HSPBAP1: variants seen among roughly 807,000 people sequenced by gnomAD.
HSPBAP1 encodes the protein HSPB1-associated protein 1.
A neutral mutation model predicts 45.2 loss-of-function variants in HSPBAP1; 27 were observed. The observed-to-expected ratio is 0.60, with a 90% CI of 0.44 to 0.82. The LOEUF (loss-of-function observed/expected upper bound fraction) is 0.82. Ranked by LOEUF, HSPBAP1 falls within the 40% of genes least tolerant of loss-of-function variation. The pLI, the probability that HSPBAP1 is intolerant of heterozygous loss-of-function variation, is 0.00. For synonymous variants in HSPBAP1, 204 were observed against 202.7 expected (o/e 1.01, Z -0.06); for missense variants, 510 against 590.9 (o/e 0.86, Z 1.42).
intron 4 of HSPBAP1, among the ~76,000 whole-genome samples, chr3:122,757,968 T>C (rs1313941624): frequency 6.6e-6 from 1 of 152,242 alleles, no homozygotes; most frequent in Non-Finnish European, 1.5e-5. Flanking sequence ...CGTGTAGCTA[T>C]GTACCTGACA....
intron 5 of HSPBAP1, chr3:122,754,937 C>T (rs1352942229): frequency 6.8e-6 from 7 of 1,034,212 alleles, no homozygotes; most frequent in African/African-American, 3.4e-5. Context: ...CAGAGATGCT[C>T]GAGTACCCAT....
At chr3:122,756,413 T>C (rs1934357666) in intron 4 of HSPBAP1, among the ~76,000 whole-genome samples, 1 of 152,178 alleles carries the variant, frequency 6.6e-6, no homozygotes, top group African/African-American at 2.4e-5. Flanking sequence ...AAGCCATGTA[T>C]GGTGGCTCAC....
rs1309508144 is a variant in HSPBAP1, at chr3:122,780,915, C to T, written c.65-3009G>A. 1.7e-4 allele frequency among the ~76,000 whole-genome samples: 10 copies of T among 59,610 alleles called. 3 individuals carry two copies. Among genetic ancestry groups the T allele is most frequent in the South Asian group, 6.8e-4 (1 of 1,460 alleles). 39.1% of individuals were successfully genotyped at this position (59,610 alleles called of 152,430 possible). ...GCAGAGGCACTCCTCACATCCCAGA[C>T]GGGGCGGCGGGGCAGAGGCGGTCCC... is the stretch of plus-strand genomic sequence containing the variant. On this transcript the variant is annotated intron_variant, in intron 1 of 7. Coordinates refer to ENST00000306103, the MANE Select transcript of HSPBAP1 (RefSeq NM_024610.6).
intron 1 of HSPBAP1, among the ~76,000 whole-genome samples, chr3:122,788,166 T>C (rs1332068939): frequency 6.6e-6 from 1 of 152,204 alleles, no homozygotes; most frequent in Non-Finnish European, 1.5e-5. Flanking sequence ...TTAGCTTCTT[T>C]CCATCCTCCT....
chr3:122,740,336 C>A lies in HSPBAP1; in HGVS notation c.*9G>T. 1 of 1,534,532 alleles carries A rather than the reference C, an allele frequency of 6.5e-7. No individual in the cohort carries two copies. Among genetic ancestry groups the A allele is most frequent in the South Asian group, 1.3e-5 (1 of 79,620 alleles). ...AAAATATTATTTTAAAAGTCATCTT[C>A]CACTTGAATCATAAACTTCTTCCTT... On this transcript the variant is annotated 3_prime_UTR_variant, in exon 8 of 8. Coordinates refer to ENST00000306103, the MANE Select transcript of HSPBAP1 (RefSeq NM_024610.6).
rs534486598 is a variant in HSPBAP1 at position 122,784,681 on chromosome 3, G to C, written c.65-6775C>G. Among the ~76,000 whole-genome samples the C allele has an allele frequency of 2.0e-5, 3 of 152,296 alleles. No homozygotes were observed. In the South Asian group the frequency reaches 6.2e-4, roughly 32 times the overall value. ...TATGGTGAAGATGAAGAAATACTAA[G>C]AGAATAATATCAAAGGCTATTACAA... On this transcript the variant is annotated intron_variant, in intron 1 of 7. Coordinates refer to ENST00000306103, the MANE Select transcript of HSPBAP1 (RefSeq NM_024610.6).
intron 6 of HSPBAP1, among the ~76,000 whole-genome samples, chr3:122,745,867 G>A (rs1933829321): frequency 6.6e-6 from 1 of 152,172 alleles, no homozygotes; most frequent in African/African-American, 2.4e-5. Flanking sequence ...AAACTGTCAA[G>A]AGAAAAAATT....
At chr3:122,756,917 G>A (rs1253831353) in intron 4 of HSPBAP1, among the ~76,000 whole-genome samples, 1 of 152,136 alleles carries the variant, frequency 6.6e-6, no homozygotes, top group Non-Finnish European at 1.5e-5. Context: ...GAAGGGCTCT[G>A]AAGAGATCAT....
intron 1 of HSPBAP1, among the ~76,000 whole-genome samples, chr3:122,785,231 T>C (rs1935614702): frequency 6.6e-6 from 1 of 152,244 alleles, no homozygotes; most frequent in South Asian, 2.1e-4. Flanking sequence ...CATGAGTGTA[T>C]GTGCACGTGC....
chr3:122,779,736 C>A (rs1028097747), intron 1 of HSPBAP1, among the ~76,000 whole-genome samples: 2 of 151,072 alleles, frequency 1.3e-5, no homozygotes, highest in African/African-American at 2.4e-5. Context: ...CTTCAAGCAT[C>A]TGTTTAACAA....
rs138830795 is a variant in HSPBAP1 at position 122,772,920 on chromosome 3, G to A, written c.251-4038C>T. Among the ~76,000 whole-genome samples the A allele has an allele frequency of 5.0e-3, 759 of 151,812 alleles. 9 individuals are homozygous for A. Among genetic ancestry groups the A allele is most frequent in the African/African-American group, 0.016 (682 of 41,370 alleles). ...ATTGCCCAGGCTGGAGGGCAGTGGC[G>A]TGGTCAGAACTTTGAACTGCTGGGC... is the stretch of plus-strand genomic sequence containing the variant. On this transcript the variant is annotated intron_variant, in intron 2 of 7. Transcript: ENST00000306103.
intron 3 of HSPBAP1, 106 bp downstream of exon 3, chr3:122,768,595 T>C: frequency 1.4e-6 from 1 of 714,108 alleles, no homozygotes; most frequent in Non-Finnish European, 2.4e-6. Context: ...TTCATGGCGA[T>C]TACTTATGAG....
At position 122,793,764 on chromosome 3, in the gene HSPBAP1, C is replaced by G. The variant is rs1440080662; in HGVS notation, c.-84G>C. 1.6e-5 allele frequency: 20 copies of G among 1,284,828 alleles called. No individual in the cohort carries two copies. Among genetic ancestry groups the G allele is most frequent in the African/African-American group, 2.9e-5 (2 of 68,450 alleles). The allele number at this position is 1,284,828 out of a possible 1,614,324, so 79.6% of individuals were successfully genotyped here. ...AGAGTAGGGGCCAAACTCCGAGACCCGAAGCTGCACCACAGGAAGGAGCCC... is the reference window on the plus strand; with the variant it reads ...AGAGTAGGGGCCAAACTCCGAGACCGGAAGCTGCACCACAGGAAGGAGCCC... On this transcript the variant is annotated 5_prime_UTR_variant, in exon 1 of 8. Coordinates refer to ENST00000306103, the MANE Select transcript of HSPBAP1 (RefSeq NM_024610.6).
chr3:122,755,116 G>A, intron 5 of HSPBAP1, 144 bp downstream of exon 5: 1 of 1,215,488 alleles, frequency 8.2e-7, no homozygotes, highest in Non-Finnish European at 1.0e-6. Context: ...AACTGGGGAA[G>A]CTACCTTCCA....
At chr3:122,741,427 A>T (rs939044663) in intron 6 of HSPBAP1, 27 of 275,886 alleles carry the variant, frequency 9.8e-5, no homozygotes, top group East Asian at 1.6e-4. Context: ...TTTTTTTTTT[A>T]AAGTACCACA....
chr3:122,742,060 A>G (rs1332321147), intron 6 of HSPBAP1, among the ~76,000 whole-genome samples: 1 of 151,932 alleles, frequency 6.6e-6, no homozygotes, highest in Non-Finnish European at 1.5e-5. Flanking sequence ...TGTGCCAGGA[A>G]ACATGTACAA....
intron 6 of HSPBAP1, among the ~76,000 whole-genome samples, chr3:122,744,999 G>GA (rs66500193): frequency 0.088 from 13,263 of 151,510 alleles, 680 homozygotes; most frequent in East Asian, 0.13. Flanking sequence ...TCCTGATTTT[G>GA]AAAAAAACAA....
At chr3:122,780,646 C>CG (rs1425777583) in intron 1 of HSPBAP1, among the ~76,000 whole-genome samples, 1 of 148,164 alleles carries the variant, frequency 6.7e-6, no homozygotes, top group Non-Finnish European at 1.5e-5. Flanking sequence ...GCTGGCCAGG[C>CG]GGGGGGCTGA....
At chr3:122,792,592 C>T (rs1366386255) in intron 1 of HSPBAP1, among the ~76,000 whole-genome samples, 1 of 152,040 alleles carries the variant, frequency 6.6e-6, no homozygotes, top group Non-Finnish European at 1.5e-5. Flanking sequence ...TTCCTGAACC[C>T]CAGCACCACT....
Sources: gnomAD v4.1 joint callset for allele counts (sites outside exome capture counted in the v4.1 genomes callset) on GRCh38, gnomAD v4.1.1 for gene constraint, MANE v1.5 for transcripts, NCBI Gene and HGNC (gene_info 2026-07-23, HGNC 2026-07-21) for gene names.